Variants in MBTD1 observed in about 807,000 individuals in gnomAD.
MBTD1 encodes the protein mbt domain containing 1.
In MBTD1, 24 loss-of-function variants were observed where a neutral mutation model predicts 87.8. The observed-to-expected ratio is 0.27, with a 90% CI of 0.20 to 0.38. The LOEUF (loss-of-function observed/expected upper bound fraction) is 0.38, where lower values mean the gene tolerates loss of function less well. Among genes scored for constraint, MBTD1 ranks in the 10% least tolerant of loss-of-function variants. The pLI is 1.00. For missense variants in MBTD1, 436 were observed against 760.2 expected (o/e 0.57, Z 5.02); for synonymous variants, 237 against 248.6 (o/e 0.95, Z 0.44).
At chr17:51,234,982 C>T (rs769465067) in intron 2 of MBTD1, among the ~76,000 whole-genome samples, 5 of 152,184 alleles carry the variant, frequency 3.3e-5, no homozygotes, top group Admixed American at 2.0e-4. Context: ...AGGCATGAGC[C>T]ACCACGCCCG....
chr17:51,191,896 T>C, intron 16 of MBTD1: 1 of 273,942 alleles, frequency 3.7e-6, no homozygotes, highest in Non-Finnish European at 6.9e-6. Context: ...TTTTTCTTTT[T>C]AAATAAAGTT....
chr17:51,207,819 A>C (rs2051936008), intron 6 of MBTD1, among the ~76,000 whole-genome samples: 1 of 152,230 alleles, frequency 6.6e-6, no homozygotes. Context: ...AATTACTTGG[A>C]ACTTATGCAA....
intron 14 of MBTD1, among the ~76,000 whole-genome samples, 155 bp from the exon 15 acceptor site, chr17:51,193,171 C>T (rs545254074): frequency 7.9e-5 from 12 of 152,144 alleles, no homozygotes; most frequent in East Asian, 1.9e-4. Context: ...AAACATAGTA[C>T]GAAGGTGAAG....
intron 10 of MBTD1, among the ~76,000 whole-genome samples, 185 bp from the exon 11 acceptor site, chr17:51,202,262 T>C (rs1318466892): frequency 6.6e-6 from 1 of 152,234 alleles, no homozygotes; most frequent in Non-Finnish European, 1.5e-5. Context: ...TGTGCATATA[T>C]GCTTTTAAAT....
At chr17:51,190,750 A>AATATATATATATATAT (rs1555677186) in intron 16 of MBTD1, among the ~76,000 whole-genome samples, 19 of 39,692 alleles carry the variant, frequency 4.8e-4, no homozygotes, top group African/African-American at 2.6e-3. Flanking sequence ...AAAAAAAAAA[A>AATATATATATATATAT]ATATATATAT....
intron 2 of MBTD1, chr17:51,250,153 C>T (rs9909106): frequency 0.12 from 17,941 of 151,646 alleles, 1,783 homozygotes; most frequent in African/African-American, 0.27. Flanking sequence ...AATCCACCCA[C>T]CTAAGCCTCC....
Position 51,217,383 on chromosome 17 carries a change from T to C in MBTD1, c.437A>G (p.Tyr146Cys). 1 of 1,539,060 alleles carries C rather than the reference T, an allele frequency of 6.5e-7. No homozygotes were observed. Among genetic ancestry groups the C allele is most frequent in the Non-Finnish European group, 8.8e-7 (1 of 1,141,412 alleles). Reference protein sequence around the residue: ...VSMEGFSWGNYINSNSFIAAP... With the variant: ...VSMEGFSWGNCINSNSFIAAP... ...TGCTATAAAGCTATTGCTATTGATG[T>C]AGTTACCCCAGCTGAAACCTTCCAT... The change falls in exon 6 of 17, where the codon TAC becomes TGC. Residue 146 changes from tyrosine (Y) to cysteine (C), a missense_variant. Physicochemically the swap from Tyr to Cys is radical, Grantham distance 194. Transcript: ENST00000586178.
intron 13 of MBTD1, among the ~76,000 whole-genome samples, 187 bp from the exon 14 acceptor site, chr17:51,193,697 C>T (rs1168606630): frequency 6.6e-6 from 1 of 152,222 alleles, no homozygotes; most frequent in Non-Finnish European, 1.5e-5. Flanking sequence ...AGGCTTACTG[C>T]AGCCTCAACC....
At position 51,206,770 on chromosome 17, in the gene MBTD1, C is replaced by G. The variant is rs72826470; in HGVS notation, c.604+118G>C. ...AGAAAACAATTTGCCAACCCCTGCC[C>G]TATATCATAACATATTTTTTATTTG... is the stretch of plus-strand genomic sequence containing the variant. On this transcript the variant is annotated intron_variant, in intron 7 of 16. Coordinates refer to ENST00000586178, the MANE Select transcript of MBTD1 (RefSeq NM_017643.3). 2.6e-3 allele frequency: 1,734 copies of G among 669,884 alleles called. 6 individuals are homozygous for G. Among genetic ancestry groups the G allele is most frequent in the Non-Finnish European group, 4.0e-3 (1,563 of 389,612 alleles). The allele number at this position is 669,884 out of a possible 1,614,324, so 41.5% of individuals were successfully genotyped here.
chr17:51,250,589 A>T (rs75700413), intron 2 of MBTD1: 2 of 152,142 alleles, frequency 1.3e-5, no homozygotes, highest in South Asian at 4.1e-4. Flanking sequence ...GAGAAATCTG[A>T]CACTGGTCTA....
At chr17:51,203,283 ATTAT>A (rs2051601149) in intron 8 of MBTD1, 55 bp from the exon 9 acceptor site, 10 of 879,896 alleles carry the variant, frequency 1.1e-5, no homozygotes, top group African/African-American at 3.5e-5. Flanking sequence ...TGCTTCATAA[ATTAT>A]TTGTTAAAAA....
intron 2 of MBTD1, among the ~76,000 whole-genome samples, chr17:51,245,411 T>C (rs1317630977): frequency 1.3e-5 from 2 of 152,202 alleles, no homozygotes; most frequent in African/African-American, 4.8e-5. Context: ...GTATCAGTAT[T>C]TTATTTCATT....
chr17:51,201,343 ATAT>A (rs2051479689), intron 12 of MBTD1, among the ~76,000 whole-genome samples: 1 of 152,296 alleles, frequency 6.6e-6, no homozygotes, highest in East Asian at 1.9e-4. Context: ...ACTTAAATAA[ATAT>A]TTTTCCTCTA....
Position 51,194,919 on chromosome 17 carries a change from T to C in MBTD1, c.1372+295A>G, listed in dbSNP as rs568387289. On this transcript the variant is annotated intron_variant, in intron 13 of 16. Coordinates refer to ENST00000586178, the MANE Select transcript of MBTD1 (RefSeq NM_017643.3). ...GGGAAAAAAAGAAAAAAATCATGTA[T>C]GCCATAGCCTGTTGAGCCTACATTA... is the stretch of plus-strand genomic sequence containing the variant. Among the ~76,000 whole-genome samples, 30 of 152,168 alleles carry C rather than the reference T, an allele frequency of 2.0e-4. No individual in the cohort carries two copies. In the South Asian group the frequency reaches 5.6e-3, roughly 28 times the overall value.
At chr17:51,234,560 G>T (rs1167925947) in intron 2 of MBTD1, among the ~76,000 whole-genome samples, 2 of 152,210 alleles carry the variant, frequency 1.3e-5, no homozygotes, top group East Asian at 3.9e-4. Context: ...CACTCATAAA[G>T]AAACATACCT....
In MBTD1 at chr17:51,193,462, C is replaced by G; in HGVS notation, c.1421G>C (p.Gly474Ala). ...TAGTTTTACTGGTGCTGCAATGGAG[C>G]CAGTTTCCCTGAGGTAGTCAAACCA... ...FKWFDYLRET[G>A]SIAAPVKLFN... is the part of the protein sequence containing the mutation. The change falls in exon 14 of 17, where the codon GGC becomes GCC. Residue 474 changes from glycine (G) to alanine (A), a missense_variant. Physicochemically the swap from Gly to Ala is moderately conservative, Grantham distance 60. This residue lies in a region of MBTD1 where 80 missense variants were observed against 182.2 expected (regional missense o/e 0.44). Transcript: ENST00000586178. 1 of 1,612,678 alleles carries G rather than the reference C, an allele frequency of 6.2e-7. No individual in the cohort carries two copies. The highest frequency in any genetic ancestry group is 1.1e-5 in the South Asian group (1 of 90,948).
At chr17:51,196,131 C>CA (rs1285918941) in intron 12 of MBTD1, among the ~76,000 whole-genome samples, 13 of 152,102 alleles carry the variant, frequency 8.5e-5, no homozygotes, top group Admixed American at 5.9e-4. Context: ...AGGCTGGTCT[C>CA]AAACTCCTGG....
At chr17:51,242,965 A>T (rs940337322) in intron 2 of MBTD1, among the ~76,000 whole-genome samples, 2 of 152,168 alleles carry the variant, frequency 1.3e-5, no homozygotes, top group African/African-American at 2.4e-5. Context: ...GTGTATGTTT[A>T]TTCAACAAAT....
At chr17:51,187,866 G>GAAAAAAAAAAAAA (rs71149350) in intron 16 of MBTD1, among the ~76,000 whole-genome samples, 8 of 118,148 alleles carry the variant, frequency 6.8e-5, no homozygotes, top group African/African-American at 6.3e-5. Flanking sequence ...AAGAAAGAAA[G>GAAAAAAAAAAAAA]AAAAAAAAAA....
Sources: allele counts gnomAD v4.1 joint callset (sites outside exome capture counted in the v4.1 genomes callset), GRCh38; gene constraint gnomAD v4.1.1; regional missense constraint gnomAD v4.1.1; transcripts MANE v1.5; gene names NCBI Gene and HGNC (gene_info 2026-07-23, HGNC 2026-07-21).